The following FGF2 variants were observed in gnomAD, a reference collection of about 807,000 sequenced individuals.
FGF2 encodes fibroblast growth factor 2.
Under a neutral mutation model 15.9 loss-of-function variants are expected in FGF2, and 13 were observed. The observed-to-expected ratio is 0.82, with a 90% CI of 0.53 to 1.30. The LOEUF is 1.30. FGF2 is among the 50% of genes most tolerant of loss of function. The probability of loss-of-function intolerance (pLI) is 0.00; values close to 1 mark genes in which losing one functional copy is unlikely to be tolerated. For synonymous variants in FGF2, 90 were observed against 78.4 expected, an observed-to-expected ratio of 1.15 and a Z score of -0.78; for missense variants, 163 against 196.9, an observed-to-expected ratio of 0.83 and a Z score of 1.03.
intron 2 of FGF2, among the ~76,000 whole-genome samples, chr4:122,886,696 T>C (rs1727066118): frequency 6.6e-6 from 1 of 152,246 alleles, no homozygotes; most frequent in Non-Finnish European, 1.5e-5. Flanking sequence ...AGTTGGCTCC[T>C]GTGCCCTCCT....
At chr4:122,866,272 G>C (rs1332250446) in intron 1 of FGF2, among the ~76,000 whole-genome samples, 1 of 152,048 alleles carries the variant, frequency 6.6e-6, no homozygotes, top group African/African-American at 2.4e-5. Flanking sequence ...GGAGGCTGAG[G>C]CAGGAGAATG....
chr4:122,865,908 G>A (rs562584999), intron 1 of FGF2, among the ~76,000 whole-genome samples: 2 of 152,056 alleles, frequency 1.3e-5, no homozygotes, highest in East Asian at 3.9e-4. Flanking sequence ...AAATAGAAGG[G>A]GTAAAACTAA....
At chr4:122,851,917 T>A (rs45519534) in intron 1 of FGF2, among the ~76,000 whole-genome samples, 2 of 152,340 alleles carry the variant, frequency 1.3e-5, no homozygotes, top group East Asian at 1.9e-4. Context: ...TCATCTATTA[T>A]ATAGGGATAC....
intron 2 of FGF2, among the ~76,000 whole-genome samples, chr4:122,887,513 C>T (rs912114314): frequency 6.6e-6 from 1 of 152,322 alleles, no homozygotes; most frequent in African/African-American, 2.4e-5. Flanking sequence ...AAATATCTCA[C>T]ATAACCTTAT....
At chr4:122,833,070 A>G (rs1725795582) in intron 1 of FGF2, among the ~76,000 whole-genome samples, 1 of 152,160 alleles carries the variant, frequency 6.6e-6, no homozygotes, top group Admixed American at 6.6e-5. Flanking sequence ...GCCAATATTC[A>G]GTGTTTATGT....
intron 1 of FGF2, among the ~76,000 whole-genome samples, chr4:122,836,869 G>C (rs114248845): frequency 2.0e-5 from 3 of 152,136 alleles, no homozygotes; most frequent in Non-Finnish European, 4.4e-5. Flanking sequence ...TTTTTATTTT[G>C]GAAACTTTTC....
intron 1 of FGF2, among the ~76,000 whole-genome samples, chr4:122,837,891 G>A (rs180957846): frequency 1.3e-5 from 2 of 151,892 alleles, no homozygotes; most frequent in African/African-American, 4.8e-5. Context: ...CTTCTTTGGG[G>A]TAAGGCATTT....
In FGF2 at chr4:122,827,260, C is replaced by A. The variant is rs777489946; in HGVS notation, c.86C>A (p.Pro29His). The change falls in exon 1 of 3, where the codon CCC (proline) becomes CAC (histidine). Residue 29 changes from proline to histidine, a missense_variant. Physicochemically the swap from Pro to His is moderately conservative, Grantham distance 77. Coordinates refer to ENST00000644866, the MANE Select transcript of FGF2 (RefSeq NM_001361665.2). The surrounding 1 kb of genome is among the most constrained non-coding windows in gnomAD (Gnocchi z 4.2). ...TTCCCGCCCGGCCACTTCAAGGACC[C>A]CAAGCGGCTGTACTGCAAAAACGGG... ...GAFPPGHFKD[P>H]KRLYCKNGGF... 20 of 1,612,532 alleles carry A rather than the reference C, an allele frequency of 1.2e-5. No homozygotes were observed. The highest frequency in any genetic ancestry group is 8.5e-7 in the Non-Finnish European group (1 of 1,179,842).
At chr4:122,839,208 A>G (rs926873861) in intron 1 of FGF2, among the ~76,000 whole-genome samples, 1 of 152,232 alleles carries the variant, frequency 6.6e-6, no homozygotes, top group Non-Finnish European at 1.5e-5. Context: ...GTATTTAAGC[A>G]TATCTAAACA....
intron 1 of FGF2, among the ~76,000 whole-genome samples, chr4:122,868,160 T>A (rs972288121): frequency 6.6e-6 from 1 of 152,198 alleles, no homozygotes; most frequent in Admixed American, 6.5e-5. Flanking sequence ...TTTCTTTTTT[T>A]AAAATTTCTT....
At chr4:122,866,118 C>G (rs886675477) in intron 1 of FGF2, among the ~76,000 whole-genome samples, 2 of 152,120 alleles carry the variant, frequency 1.3e-5, no homozygotes, top group African/African-American at 2.4e-5. Flanking sequence ...GCCTGTAATC[C>G]CAGCACTTTG....
At chr4:122,875,837 A>C (rs1164418788) in intron 1 of FGF2, among the ~76,000 whole-genome samples, 1 of 152,200 alleles carries the variant, frequency 6.6e-6, no homozygotes, top group African/African-American at 2.4e-5. Flanking sequence ...CTCAAATTAT[A>C]ACAGTGAATA....
intron 1 of FGF2, among the ~76,000 whole-genome samples, chr4:122,839,634 A>C (rs1410132692): frequency 2.0e-5 from 3 of 152,180 alleles, no homozygotes. Context: ...CAGGTGTTAG[A>C]GTGAATTTCT....
At chr4:122,837,543 A>C (rs1174231687) in intron 1 of FGF2, among the ~76,000 whole-genome samples, 1 of 152,080 alleles carries the variant, frequency 6.6e-6, no homozygotes. Flanking sequence ...TTTTTCTATT[A>C]ATTATGTTAC....
intron 2 of FGF2, among the ~76,000 whole-genome samples, chr4:122,887,585 T>C (rs1727084719): frequency 6.6e-6 from 1 of 152,160 alleles, no homozygotes; most frequent in African/African-American, 2.4e-5. Flanking sequence ...TTTAAAAGTG[T>C]TGATTATGCT....
At chr4:122,864,901 A>T (rs142735371) in intron 1 of FGF2, among the ~76,000 whole-genome samples, 19 of 152,218 alleles carry the variant, frequency 1.2e-4, no homozygotes, top group African/African-American at 4.3e-4. Context: ...CAATGCAAAC[A>T]TTGTTACATG....
intron 1 of FGF2, among the ~76,000 whole-genome samples, chr4:122,839,174 A>T (rs181488345): frequency 1.5e-4 from 23 of 152,320 alleles, no homozygotes; most frequent in African/African-American, 5.3e-4. Context: ...GTGACACATG[A>T]TCATGTAACA....
At chr4:122,862,194 A>G (rs1300386400) in intron 1 of FGF2, among the ~76,000 whole-genome samples, 2 of 152,224 alleles carry the variant, frequency 1.3e-5, no homozygotes, top group African/African-American at 4.8e-5. Flanking sequence ...GAGTAAATGT[A>G]TTCACCATTT....
At chr4:122,833,444 TAATTA>T (rs143453793) in intron 1 of FGF2, among the ~76,000 whole-genome samples, 6,018 of 152,256 alleles carry the variant, frequency 0.04, 255 homozygotes, top group African/African-American at 0.1. Context: ...TGAAAACTTG[TAATTA>T]AATGATAACT....
Sources: allele counts gnomAD v4.1 joint callset (sites outside exome capture counted in the v4.1 genomes callset), GRCh38; gene constraint gnomAD v4.1.1; non-coding constraint Gnocchi (gnomAD v3.1); transcripts MANE v1.5; gene names NCBI Gene and HGNC (gene_info 2026-07-23, HGNC 2026-07-21).